SOS1: variants seen among roughly 807,000 people sequenced by gnomAD.
The protein encoded by SOS1 is son of sevenless homolog 1.
In SOS1, 25 loss-of-function variants were observed where a neutral mutation model predicts 157.6. That is an observed-to-expected ratio of 0.16 (90% CI 0.12 to 0.22). The LOEUF is 0.22. Among genes scored for constraint, SOS1 ranks in the 10% least tolerant of loss-of-function variants. SOS1 has a pLI of 1.00. For synonymous variants in SOS1, 528 were observed against 534.0 expected, an observed-to-expected ratio of 0.99 and a Z score of 0.16; for missense variants, 1,237 against 1,599.1, an observed-to-expected ratio of 0.77 and a Z score of 3.86.
intron 8 of SOS1, among the ~76,000 whole-genome samples, chr2:39,034,491 C>T (rs1670275359): frequency 6.6e-6 from 1 of 152,136 alleles, no homozygotes; most frequent in Non-Finnish European, 1.5e-5. Flanking sequence ...TGCATGTCTT[C>T]TTTTGTCTTT....
intron 6 of SOS1, among the ~76,000 whole-genome samples, chr2:39,045,237 AGAGAGG>A (rs1305719029): frequency 2.6e-5 from 2 of 75,582 alleles, no homozygotes; most frequent in Admixed American, 1.4e-4. Context: ...GGAATGAGAG[AGAGAGG>A]GAGAGAGAGA....
chr2:39,080,815 A>G (rs1672174086), intron 1 of SOS1, among the ~76,000 whole-genome samples: 2 of 152,166 alleles, frequency 1.3e-5, no homozygotes, highest in Admixed American at 1.3e-4. Flanking sequence ...ATCAATAAAT[A>G]ATATTTTATA....
rs945101101 is a variant in SOS1 at position 39,052,109 on chromosome 2, T to A, written c.721-822A>T. Among the ~76,000 whole-genome samples the A allele has an allele frequency of 8.5e-5, 13 of 152,290 alleles. 1 individual carries two copies. In the South Asian group the frequency reaches 2.7e-3, roughly 32 times the overall value. On this transcript the variant is annotated intron_variant, in intron 5 of 22. Coordinates refer to ENST00000402219, the MANE Select transcript of SOS1 (RefSeq NM_005633.4). ...AGTGCCTGACAACCACTAATCTACT[T>A]TGTCTCTATGGATTTGCCTATTCTG...
intron 6 of SOS1, 69 bp from the exon 7 acceptor site, chr2:39,035,569 G>T: frequency 9.2e-7 from 1 of 1,090,232 alleles, no homozygotes; most frequent in Non-Finnish European, 1.4e-6. Flanking sequence ...TAATTATGGG[G>T]CACGACTATG....
chr2:39,120,459 G>T lies in SOS1; in HGVS notation c.-37C>A, dbSNP rs757048570. ...GGCGCCTCTGGGCGGGGAGAGGGGC[G>T]GCGGCGGCCGGGCCAGGGAGCCGCG... On this transcript the variant is annotated 5_prime_UTR_variant, in exon 1 of 23. Coordinates refer to ENST00000402219, the MANE Select transcript of SOS1 (RefSeq NM_005633.4). 4.6e-6 allele frequency: 7 copies of T among 1,534,630 alleles called. No homozygotes were observed. The highest frequency in any genetic ancestry group is 6.1e-6 in the Non-Finnish European group (7 of 1,142,444).
At position 39,067,699 on chromosome 2, in the gene SOS1, C is replaced by T. The variant is rs764909346; in HGVS notation, c.142G>A (p.Val48Ile). ...LESNDDALQY[V>I]EELILQLLNM... ...AATAATTGCAAAATTAATTCTTCAA[C>T]ATACTGAAGAGCATCATCATTAGAC... The change falls in exon 2 of 23, where the codon GTT becomes ATT. Residue 48 changes from valine to isoleucine, a missense_variant. Transcript: ENST00000402219. 2 of 1,608,480 alleles carry T rather than the reference C, an allele frequency of 1.2e-6. No individual in the cohort carries two copies. Among genetic ancestry groups the T allele is most frequent in the Non-Finnish European group, 1.7e-6 (2 of 1,174,842 alleles).
At chr2:39,084,286 G>GA (rs1468245745) in intron 1 of SOS1, among the ~76,000 whole-genome samples, 8 of 151,968 alleles carry the variant, frequency 5.3e-5, no homozygotes, top group African/African-American at 1.9e-4. Context: ...ATTCTTAAGT[G>GA]AAAAAAGAAG....
chr2:39,026,187 T>C (rs980353702), intron 8 of SOS1, among the ~76,000 whole-genome samples: 1 of 151,856 alleles, frequency 6.6e-6, no homozygotes, highest in African/African-American at 2.4e-5. Context: ...AAACCCCGTC[T>C]CTACTAAAAA....
chr2:39,082,641 A>G (rs1175236708), intron 1 of SOS1: 3 of 152,212 alleles, frequency 2.0e-5, no homozygotes, highest in African/African-American at 7.2e-5. Flanking sequence ...AGAGATGAGG[A>G]TGGCTCCTGC....
intron 1 of SOS1, among the ~76,000 whole-genome samples, chr2:39,076,458 C>A (rs1361161025): frequency 6.6e-6 from 1 of 151,818 alleles, no homozygotes; most frequent in African/African-American, 2.4e-5. Context: ...AGATACTACA[C>A]CATGACCGAC....
chr2:39,071,854 A>G (rs1671805606), intron 1 of SOS1, among the ~76,000 whole-genome samples: 2 of 150,030 alleles, frequency 1.3e-5, no homozygotes, highest in Non-Finnish European at 3.0e-5. Context: ...TTTCGCTCAC[A>G]CTGTTCCCCA....
intron 8 of SOS1, among the ~76,000 whole-genome samples, chr2:39,025,946 T>C (rs1225253422): frequency 1.3e-5 from 2 of 152,244 alleles, no homozygotes; most frequent in Admixed American, 6.5e-5. Flanking sequence ...TAATGTTTAA[T>C]ACTTAGCTTT....
chr2:39,027,576 G>T (rs1358597914), intron 8 of SOS1, among the ~76,000 whole-genome samples: 1 of 152,092 alleles, frequency 6.6e-6, no homozygotes, highest in Non-Finnish European at 1.5e-5. Context: ...CAAAAGGGTG[G>T]CTTATTGTGG....
chr2:38,998,623 G>T (rs981274422), intron 17 of SOS1, among the ~76,000 whole-genome samples: 5 of 152,154 alleles, frequency 3.3e-5, no homozygotes, highest in Non-Finnish European at 7.3e-5. Flanking sequence ...GTAAAATGAG[G>T]ACAGGAGGGT....
At chr2:39,119,198 T>G (rs548999249) in intron 1 of SOS1, among the ~76,000 whole-genome samples, 1 of 152,330 alleles carries the variant, frequency 6.6e-6, no homozygotes, top group Admixed American at 6.5e-5. Flanking sequence ...CATCTTTTCT[T>G]CTGTTTTTTA....
chr2:39,006,602 CAG>C (rs1008672013), intron 16 of SOS1, 73 bp from the exon 17 acceptor site: 12 of 787,380 alleles, frequency 1.5e-5, no homozygotes, highest in Admixed American at 3.5e-5. Context: ...ACTAGGCTAA[CAG>C]AAACGCCCAA....
In SOS1 at chr2:39,067,769, A is replaced by G; in HGVS notation, c.88-16T>C. ...GCCCCTGGACCTATAAACAAAAAGC[A>G]AAGTAATTAAAATGTGGGTTCCATA... On this transcript the variant is annotated splice_polypyrimidine_tract_variant and intron_variant, in intron 1 of 22. Transcript: ENST00000402219. 5 of 1,609,800 alleles carry G rather than the reference A, an allele frequency of 3.1e-6. No homozygotes were observed. Among genetic ancestry groups the G allele is most frequent in the South Asian group, 1.1e-5 (1 of 91,000 alleles).
At chr2:39,033,119 G>A (rs1472604160) in intron 8 of SOS1, among the ~76,000 whole-genome samples, 1 of 143,228 alleles carries the variant, frequency 7.0e-6, no homozygotes, top group Non-Finnish European at 1.5e-5. Flanking sequence ...TGCCCAGGCT[G>A]AAGTGCAATG....
At chr2:39,006,613 A>G in intron 16 of SOS1, 84 bp from the exon 17 acceptor site, 1 of 765,828 alleles carries the variant, frequency 1.3e-6, no homozygotes, top group Non-Finnish European at 2.4e-6. Context: ...AGAAACGCCC[A>G]AATACAACAG....
Sources: allele counts gnomAD v4.1 joint callset (sites outside exome capture counted in the v4.1 genomes callset), GRCh38; gene constraint gnomAD v4.1.1; transcripts MANE v1.5; gene names NCBI Gene and HGNC (gene_info 2026-07-23, HGNC 2026-07-21).